The following STX18 variants were observed in gnomAD, a reference collection of about 807,000 sequenced individuals.
STX18 encodes the protein syntaxin 18, also known as syntaxin-18.
In STX18, 40 loss-of-function variants were observed where a neutral mutation model predicts 50.1. The ratio of observed to expected loss-of-function variants is 0.80; its 90% CI spans 0.62 to 1.04. STX18 has a LOEUF of 1.04. Ranked by LOEUF, STX18 falls within the 50% of genes least tolerant of loss-of-function variation. STX18 has a pLI of 0.00. For synonymous variants in STX18, 158 were observed against 151.8 expected, an observed-to-expected ratio of 1.04 and a Z score of -0.30; for missense variants, 410 against 415.8, an observed-to-expected ratio of 0.99 and a Z score of 0.12.
chr4:4,461,952 C>T (rs780736759), intron 2 of STX18: 1 of 456,212 alleles, frequency 2.2e-6, no homozygotes, highest in Admixed American at 2.3e-5. Flanking sequence ...TCCTATGTTG[C>T]AAAGGGGCCT....
intron 8 of STX18, 86 bp downstream of exon 8, chr4:4,425,078 G>T (rs909432762): frequency 7.8e-7 from 1 of 1,275,858 alleles, no homozygotes; most frequent in Non-Finnish European, 1.1e-6. Context: ...CCATGGGGAT[G>T]CCTGGGCACC....
chr4:4,462,818 C>G (rs187313600), intron 2 of STX18, among the ~76,000 whole-genome samples: 1 of 152,174 alleles, frequency 6.6e-6, no homozygotes, highest in Non-Finnish European at 1.5e-5. Flanking sequence ...CTGGCACTGG[C>G]CCCTAGGGAA....
intron 7 of STX18, among the ~76,000 whole-genome samples, chr4:4,431,624 C>T (rs531426943): frequency 2.6e-5 from 4 of 152,268 alleles, no homozygotes; most frequent in African/African-American, 9.6e-5. Flanking sequence ...GCCCTGGAGC[C>T]CATAGACACC....
At chr4:4,456,679 C>T (rs2108814769) in intron 5 of STX18, among the ~76,000 whole-genome samples, 1 of 152,340 alleles carries the variant, frequency 6.6e-6, no homozygotes, top group African/African-American at 2.4e-5. Context: ...TCGAGCAAGT[C>T]TGTCACAGGT....
intron 2 of STX18, among the ~76,000 whole-genome samples, chr4:4,471,175 G>A (rs765034145): frequency 8.5e-5 from 13 of 152,176 alleles, no homozygotes; most frequent in Non-Finnish European, 1.8e-4. Flanking sequence ...GGCGAGGGAG[G>A]CATGATCCAG....
At chr4:4,488,704 T>TA (rs1022647188) in intron 1 of STX18, among the ~76,000 whole-genome samples, 3 of 152,188 alleles carry the variant, frequency 2.0e-5, no homozygotes, top group African/African-American at 7.2e-5. Flanking sequence ...ACTGCAAAGT[T>TA]AAAGTTCTTA....
At chr4:4,464,317 C>T (rs1020821231) in intron 2 of STX18, among the ~76,000 whole-genome samples, 6 of 152,186 alleles carry the variant, frequency 3.9e-5, no homozygotes, top group African/African-American at 1.2e-4. Flanking sequence ...TTCCAGAAAG[C>T]GTTTTAGAAG....
rs1724760680 is a variant in STX18, at chr4:4,419,010, C to T, written c.*1024G>A. The T allele has an allele frequency of 6.6e-6, 1 of 152,248 alleles. No homozygotes were observed. The highest frequency in any genetic ancestry group is 6.5e-5 in the Admixed American group (1 of 15,288). The allele number at this position is 152,248 out of a possible 1,614,324, so 9.4% of individuals were successfully genotyped here. On this transcript the variant is annotated 3_prime_UTR_variant, in exon 11 of 11. Transcript: ENST00000306200. ...ACTTTATTGACTGTGAATTCATTTA[C>T]ATGTAACTTCTGACATTTCACTCTG...
chr4:4,423,593 T>A lies in STX18; in HGVS notation c.762-6A>T. 1 of 1,613,932 alleles carries A rather than the reference T, an allele frequency of 6.2e-7. No individual in the cohort carries two copies. Among genetic ancestry groups the A allele is most frequent in the Non-Finnish European group, 8.5e-7 (1 of 1,179,818 alleles). ...CCACTCTCCCTTCGATTTGCCTTCA[T>A]AAAAAGAACAGATTACATATTAACT... On this transcript the variant is annotated splice_region_variant and splice_polypyrimidine_tract_variant and intron_variant, in intron 8 of 10. Coordinates refer to ENST00000306200, the MANE Select transcript of STX18 (RefSeq NM_016930.4).
chr4:4,427,777 A>G (rs566323756), intron 7 of STX18, among the ~76,000 whole-genome samples: 3 of 152,322 alleles, frequency 2.0e-5, no homozygotes, highest in African/African-American at 7.2e-5. Context: ...GTAATTGTTA[A>G]CTTCTGATAG....
intron 1 of STX18, among the ~76,000 whole-genome samples, chr4:4,523,398 T>C (rs558876469): frequency 6.6e-6 from 1 of 152,320 alleles, no homozygotes; most frequent in Non-Finnish European, 1.5e-5. Flanking sequence ...CATTCTGATG[T>C]CTTTTCCAGT....
At chr4:4,500,293 C>T (rs776136969) in intron 1 of STX18, among the ~76,000 whole-genome samples, 5 of 152,162 alleles carry the variant, frequency 3.3e-5, no homozygotes, top group Admixed American at 6.5e-5. Flanking sequence ...CCATGGGTTC[C>T]ACACCCACAT....
rs1325139035 is a variant in STX18 at position 4,511,819 on chromosome 4, C to CAGAAGG, written c.168+29972_168+29977dup. On this transcript the variant is annotated intron_variant, in intron 1 of 10. Transcript: ENST00000306200. ...ACTAATTCTAGCTAGCTTTCCAAAA[C>CAGAAGG]AGAAGGAGAGGAGATTTGAAAAATA... Among the ~76,000 whole-genome samples the CAGAAGG allele has an allele frequency of 2.7e-5, 4 of 149,552 alleles. No individual in the cohort carries two copies. The Admixed American group carries it at 2.7e-4, about 10-fold the overall frequency.
intron 7 of STX18, among the ~76,000 whole-genome samples, chr4:4,434,144 ACAT>A (rs1430146423): frequency 6.6e-6 from 1 of 152,218 alleles, no homozygotes; most frequent in African/African-American, 2.4e-5. Flanking sequence ...GGACAGTGTC[ACAT>A]CCTAGCAGCT....
rs190021276 is a variant in STX18 at position 4,534,711 on chromosome 4, A to G, written c.168+7086T>C. 4.6e-5 allele frequency among the ~76,000 whole-genome samples: 7 copies of G among 152,388 alleles called. No homozygotes were observed. In the East Asian group the frequency reaches 1.2e-3, roughly 25 times the overall value. ...AAGTACAAACTCCTCAGCACTGCTA[A>G]CAACGCTCTCATCTAAGAGTTGGCA... is the stretch of plus-strand genomic sequence containing the variant. On this transcript the variant is annotated intron_variant, in intron 1 of 10. Coordinates refer to ENST00000306200, the MANE Select transcript of STX18 (RefSeq NM_016930.4).
chr4:4,425,163 C>T lies in STX18; in HGVS notation c.761+1G>A. ...AGCTCACAGAGGAGCTACAAACATA[C>T]CTCACTTCATCAAACAAGCTGTTCA... On this transcript the variant is annotated splice_donor_variant, in intron 8 of 10. Transcript: ENST00000306200. LOFTEE classifies it high-confidence loss of function. 1 of 1,613,752 alleles carries T rather than the reference C, an allele frequency of 6.2e-7. No individual in the cohort carries two copies. Among genetic ancestry groups the T allele is most frequent in the Middle Eastern group, 1.6e-4 (1 of 6,062 alleles).
intron 7 of STX18, among the ~76,000 whole-genome samples, chr4:4,427,401 A>G (rs1725302837): frequency 6.6e-6 from 1 of 152,228 alleles, no homozygotes; most frequent in Non-Finnish European, 1.5e-5. Flanking sequence ...TTCACTTTTG[A>G]GTTTGAAAGT....
chr4:4,436,293 T>C (rs1725771583), intron 6 of STX18, among the ~76,000 whole-genome samples: 2 of 152,204 alleles, frequency 1.3e-5, no homozygotes, highest in Admixed American at 6.5e-5. Flanking sequence ...AGAAGTGTCA[T>C]TATAGAAAAA....
intron 1 of STX18, among the ~76,000 whole-genome samples, chr4:4,527,516 A>T (rs1411691500): frequency 6.6e-6 from 1 of 152,072 alleles, no homozygotes; most frequent in Admixed American, 6.6e-5. Context: ...CTGTCCATTG[A>T]CAGAATAAAA....
Sources: allele counts gnomAD v4.1 joint callset (sites outside exome capture counted in the v4.1 genomes callset), GRCh38; gene constraint gnomAD v4.1.1; transcripts MANE v1.5; gene names NCBI Gene and HGNC (gene_info 2026-07-23, HGNC 2026-07-21).